Variants in DYNC1H1 observed in about 807,000 individuals in gnomAD.
DYNC1H1 encodes the protein dynein cytoplasmic 1 heavy chain 1.
A neutral mutation model predicts 527.1 loss-of-function variants in DYNC1H1; 51 were observed. That is an observed-to-expected ratio of 0.10 (90% CI 0.08 to 0.12). The LOEUF is 0.12. Ranked by LOEUF, DYNC1H1 falls within the 10% of genes least tolerant of loss-of-function variation. DYNC1H1 has a pLI of 1.00. For missense variants in DYNC1H1, 2,771 were observed against 5,971.8 expected, an observed-to-expected ratio of 0.46 and a Z score of 17.66; for synonymous variants, 2,189 against 2,278.8, an observed-to-expected ratio of 0.96 and a Z score of 1.12.
chr14:102,048,690 G>C (rs367740135), intron 74 of DYNC1H1, 21 bp downstream of exon 74: 204 of 1,611,292 alleles, frequency 1.3e-4, no homozygotes, highest in Non-Finnish European at 1.6e-4. Flanking sequence ...GGCCGAACTC[G>C]TGGTGTGGCT....
In DYNC1H1 at chr14:101,965,148, G is replaced by C. The variant is rs1160110344; in HGVS notation, c.256+201G>C. Among the ~76,000 whole-genome samples the C allele has an allele frequency of 1.3e-5, 2 of 151,854 alleles. No individual in the cohort carries two copies. Among genetic ancestry groups the C allele is most frequent in the African/African-American group, 4.8e-5 (2 of 41,402 alleles). On this transcript the variant is annotated intron_variant, in intron 1 of 77. Transcript: ENST00000360184. The surrounding 1 kb of genome is among the most constrained non-coding windows in gnomAD (Gnocchi z 4.1). ...CCGCAGACGCCCCGCAGAGGCCGGC[G>C]CGGCGCCCGGGGCTCGCCCTCGCCA...
At chr14:102,032,616 C>T in intron 52 of DYNC1H1, 149 bp downstream of exon 52, 1 of 1,047,976 alleles carries the variant, frequency 9.5e-7, no homozygotes, top group East Asian at 2.6e-5. Flanking sequence ...CTTTGGGAGG[C>T]TGAGGCAGGT....
At position 101,994,758 on chromosome 14, in the gene DYNC1H1, C is replaced by T. The variant is rs761186402; in HGVS notation, c.3242C>T (p.Ala1081Val). Residue 1081 changes from alanine to valine, a missense_variant, in exon 13 of 78, where the codon GCT (alanine) becomes GTT (valine). This residue lies in a region of DYNC1H1 where 179 missense variants were observed against 349.4 expected (regional missense o/e 0.51). Coordinates refer to ENST00000360184, the MANE Select transcript of DYNC1H1 (RefSeq NM_001376.5). ...RLGEDLNKWQ[A>V]LLVQIRKARG... ...GGAGAAGATCTCAACAAATGGCAGG[C>T]TCTCCTGGTCCAAATAAGGAAGGCC... 1.1e-5 allele frequency: 17 copies of T among 1,614,058 alleles called. No homozygotes were observed. The highest frequency in any genetic ancestry group is 1.4e-5 in the Non-Finnish European group (16 of 1,180,042).
intron 55 of DYNC1H1, 51 bp from the exon 56 acceptor site, chr14:102,034,274 G>C: frequency 6.2e-7 from 1 of 1,614,226 alleles, no homozygotes; most frequent in South Asian, 1.1e-5. Flanking sequence ...CTTGAGAACA[G>C]TCCCATCTGT....
intron 43 of DYNC1H1, among the ~76,000 whole-genome samples, chr14:102,025,731 GTCA>G (rs2048442131): frequency 6.6e-6 from 1 of 152,148 alleles, no homozygotes; most frequent in Non-Finnish European, 1.5e-5. Context: ...GTATCTGTCT[GTCA>G]TCATAGTTTC....
At chr14:102,022,702 T>C in intron 42 of DYNC1H1, 49 bp from the exon 43 acceptor site, 3 of 1,613,438 alleles carry the variant, frequency 1.9e-6, no homozygotes, top group Non-Finnish European at 2.5e-6. Context: ...ATGGTGCTTC[T>C]TCACCGTGCC....
In DYNC1H1 at chr14:102,011,814, G is replaced by A; in HGVS notation, c.6619-61G>A. ...TCACTTTCACAAGAGGTGGCTGGGC[G>A]AGGAGCTGTCCCCATTCCTCCTCTG... On this transcript the variant is annotated intron_variant, in intron 32 of 77. Transcript: ENST00000360184. This position sits in a 1 kb window ranked among gnomAD's most constrained non-coding sequence, Gnocchi z 5.3. 16 of 1,561,092 alleles carry A rather than the reference G, an allele frequency of 1.0e-5. No homozygotes were observed. In the East Asian group the frequency reaches 2.5e-4, roughly 24 times the overall value.
Position 102,016,050 on chromosome 14 carries a change from C to T in DYNC1H1, c.7437C>T (p.Phe2479=), listed in dbSNP as rs757950114. 13 of 1,613,148 alleles carry T rather than the reference C, an allele frequency of 8.1e-6. No individual in the cohort carries two copies. The highest frequency in any genetic ancestry group is 1.1e-5 in the Non-Finnish European group (13 of 1,179,856). The change falls in exon 36 of 78, where the codon TTC becomes TTT. Residue 2479 remains phenylalanine (F), a synonymous_variant. Coordinates refer to ENST00000360184, the MANE Select transcript of DYNC1H1 (RefSeq NM_001376.5). The surrounding 1 kb of genome is among the most constrained non-coding windows in gnomAD (Gnocchi z 7.3). The part of the protein sequence containing the change: ...VAQYNANHPD[F]PMQIEQLERY... ...AGTATAACGCCAACCATCCCGACTT[C>T]CCCATGCAGATCGAGCAGCTGGAGC...
Position 102,017,037 on chromosome 14 carries a change from G to A in DYNC1H1, c.7848+38G>A. On this transcript the variant is annotated intron_variant, in intron 38 of 77. Coordinates refer to ENST00000360184, the MANE Select transcript of DYNC1H1 (RefSeq NM_001376.5). This position sits in a 1 kb window ranked among gnomAD's most constrained non-coding sequence, Gnocchi z 4.6. ...GGAGGTGGGCAGCAGACCTTTTGGT[G>A]CTGAGCATGGGGTTGGTCTTACAGT... The A allele has an allele frequency of 6.2e-7, 1 of 1,614,234 alleles. No homozygotes were observed. Among genetic ancestry groups the A allele is most frequent in the East Asian group, 2.2e-5 (1 of 44,890 alleles).
rs1426185432 is a variant in DYNC1H1 at position 102,053,053 on chromosome 14, A to C, written c.*2490A>C. The C allele has an allele frequency of 6.6e-6, 1 of 152,166 alleles. No homozygotes were observed. Among genetic ancestry groups the C allele is most frequent in the Non-Finnish European group, 1.5e-5 (1 of 68,044 alleles). The allele number at this position is 152,166 out of a possible 1,614,324, so 9.4% of individuals were successfully genotyped here. On this transcript the variant is annotated 3_prime_UTR_variant, in exon 78 of 78. Transcript: ENST00000360184. ...AAGAGCAGTTCTGCGAGGCGGAATCAAGTCTAACATGCTCGCATGCGCTGA... is the reference window on the plus strand; with the variant it reads ...AAGAGCAGTTCTGCGAGGCGGAATCCAGTCTAACATGCTCGCATGCGCTGA...
chr14:102,039,158 C>T lies in DYNC1H1; in HGVS notation c.11364C>T (p.Asp3788=). ...TCACCAGGAAAGTTGAGGAGACGGA[C>T]ATTGTCATGCAGGAGGTGGAGACCG... ...AEVTRKVEET[D]IVMQEVETVS... is the part of the protein sequence containing the mutation. Residue 3788 remains aspartate (D), a synonymous_variant, in exon 60 of 78, where the codon GAC becomes GAT. Coordinates refer to ENST00000360184, the MANE Select transcript of DYNC1H1 (RefSeq NM_001376.5). This position sits in a 1 kb window ranked among gnomAD's most constrained non-coding sequence, Gnocchi z 7.0. 4 of 1,614,204 alleles carry T rather than the reference C, an allele frequency of 2.5e-6. No homozygotes were observed. Among genetic ancestry groups the T allele is most frequent in the Non-Finnish European group, 3.4e-6 (4 of 1,180,042 alleles).
chr14:102,014,988 G>A (rs893906760), intron 34 of DYNC1H1, 117 bp from the exon 35 acceptor site: 37 of 1,214,998 alleles, frequency 3.0e-5, no homozygotes, highest in Non-Finnish European at 4.3e-5. Context: ...GCTACTTTCT[G>A]TATAGGAAAA....
chr14:101,994,359 T>G, intron 12 of DYNC1H1, 35 bp downstream of exon 12: 1 of 1,613,936 alleles, frequency 6.2e-7, no homozygotes, highest in African/African-American at 1.3e-5. Context: ...AATGTGCATA[T>G]GGTCTATTCT....
At chr14:101,995,331 G>A (rs766364295) in intron 15 of DYNC1H1, 31 bp downstream of exon 15, 4 of 1,613,036 alleles carry the variant, frequency 2.5e-6, no homozygotes, top group Admixed American at 1.7e-5. Context: ...AAAATTTTTG[G>A]CTGGGCGTGG....
chr14:101,999,073 G>A (rs544370559), intron 16 of DYNC1H1, among the ~76,000 whole-genome samples: 6 of 151,894 alleles, frequency 4.0e-5, no homozygotes, highest in East Asian at 3.9e-4. Flanking sequence ...TAGTAGAGAC[G>A]GGGTTTCAAT....
At position 102,041,415 on chromosome 14, in the gene DYNC1H1, G is replaced by A. The variant is rs547834329; in HGVS notation, c.11942-159G>A. 3.9e-5 allele frequency: 46 copies of A among 1,167,700 alleles called. No individual in the cohort carries two copies. Among genetic ancestry groups the A allele is most frequent in the Middle Eastern group, 5.6e-4 (2 of 3,568 alleles). 72.3% of individuals were successfully genotyped at this position (1,167,700 alleles called of 1,614,324 possible). On this transcript the variant is annotated intron_variant, in intron 64 of 77. Transcript: ENST00000360184. This position sits in a 1 kb window ranked among gnomAD's most constrained non-coding sequence, Gnocchi z 4.5. ...TCACAGGCGTGTCCAGAGGGCTCAC[G>A]GAAGGCACAGCAGATGTGGCTGAAT...
intron 16 of DYNC1H1, among the ~76,000 whole-genome samples, chr14:101,998,945 A>C (rs9671815): frequency 3.0e-5 from 4 of 133,826 alleles, no homozygotes; most frequent in Non-Finnish European, 4.6e-5. Context: ...GCAGTGGCGC[A>C]ATCTCCGCTC....
At chr14:101,990,421 G>A (rs2047983472) in intron 10 of DYNC1H1, among the ~76,000 whole-genome samples, 1 of 152,210 alleles carries the variant, frequency 6.6e-6, no homozygotes, top group Non-Finnish European at 1.5e-5. Flanking sequence ...CCAGGAGAAG[G>A]TGAAGCAGCA....
rs1369051286 is a variant in DYNC1H1, at chr14:102,052,622, C to A, written c.*2059C>A. Reference sequence around the variant, plus strand: ...CTCTTGGAGAAGGAGATTCTGGGCCCCTTTTCTCTCTCCCAAACCTAGGTG... The same window carrying A: ...CTCTTGGAGAAGGAGATTCTGGGCCACTTTTCTCTCTCCCAAACCTAGGTG... On this transcript the variant is annotated 3_prime_UTR_variant, in exon 78 of 78. Coordinates refer to ENST00000360184, the MANE Select transcript of DYNC1H1 (RefSeq NM_001376.5). 1 of 152,288 alleles carries A rather than the reference C, an allele frequency of 6.6e-6. No individual in the cohort carries two copies. The highest frequency in any genetic ancestry group is 2.4e-5 in the African/African-American group (1 of 41,440). The allele number at this position is 152,288 out of a possible 1,614,324, so 9.4% of individuals were successfully genotyped here.
Sources: gnomAD v4.1 joint callset for allele counts (sites outside exome capture counted in the v4.1 genomes callset) on GRCh38, gnomAD v4.1.1 for gene constraint, gnomAD v4.1.1 regional missense constraint, Gnocchi (gnomAD v3.1) non-coding constraint, MANE v1.5 for transcripts, NCBI Gene and HGNC (gene_info 2026-07-23, HGNC 2026-07-21) for gene names.